CAMK4: variants seen among roughly 807,000 people sequenced by gnomAD.
CAMK4 encodes calcium/calmodulin-dependent protein kinase type IV.
CAMK4 carries 22 observed loss-of-function variants against 44.9 expected under a neutral mutation model. That is an observed-to-expected ratio of 0.49 (90% CI 0.35 to 0.70). The LOEUF is 0.70. Among genes scored for constraint, CAMK4 ranks in the 30% least tolerant of loss-of-function variants. The pLI, the probability that CAMK4 is intolerant of heterozygous loss-of-function variation, is 0.01. For missense variants in CAMK4, 498 were observed against 586.8 expected, an observed-to-expected ratio of 0.85 and a Z score of 1.56; for synonymous variants, 218 against 215.4, an observed-to-expected ratio of 1.01 and a Z score of -0.11.
chr5:111,336,256 T>G (rs1326134978), intron 1 of CAMK4, among the ~76,000 whole-genome samples: 1 of 151,294 alleles, frequency 6.6e-6, no homozygotes, highest in Non-Finnish European at 1.5e-5. Context: ...TCCTTGCTTC[T>G]TTTGAATCTC....
At chr5:111,350,298 A>T (rs1750041481) in intron 2 of CAMK4, among the ~76,000 whole-genome samples, 1 of 152,072 alleles carries the variant, frequency 6.6e-6, no homozygotes, top group Non-Finnish European at 1.5e-5. Context: ...TAAGAGTACC[A>T]GTTCATTCTA....
At chr5:111,233,323 C>T (rs1748560499) in intron 1 of CAMK4, among the ~76,000 whole-genome samples, 1 of 152,314 alleles carries the variant, frequency 6.6e-6, no homozygotes, top group Middle Eastern at 3.4e-3. Flanking sequence ...TAAATGCATA[C>T]TCATCTTTTA....
chr5:111,478,486 A>G lies in CAMK4; in HGVS notation c.807A>G (p.Val269=), dbSNP rs1283845223. The G allele has an allele frequency of 1.3e-6, 2 of 1,548,374 alleles. No individual in the cohort carries two copies. The highest frequency in any genetic ancestry group is 8.9e-7 in the Non-Finnish European group (1 of 1,127,392). The change falls in exon 9 of 11, where the codon GTA becomes GTG. Residue 269 remains valine, a synonymous_variant. Transcript: ENST00000282356. ...YYFISPWWDE[V]SLNAKDLVRK... Reference sequence around the variant, plus strand: ...TTATCTCCCCCTGGTGGGATGAAGTATCTCTAAATGCCAAGGACTTGGTAA... The same window carrying G: ...TTATCTCCCCCTGGTGGGATGAAGTGTCTCTAAATGCCAAGGACTTGGTAA...
chr5:111,327,763 T>C (rs1265509998), intron 1 of CAMK4, among the ~76,000 whole-genome samples: 1 of 150,536 alleles, frequency 6.6e-6, no homozygotes, highest in Admixed American at 6.6e-5. Context: ...TGGCCAGTGA[T>C]GATGAGCATT....
At chr5:111,256,569 T>C (rs952574568) in intron 1 of CAMK4, among the ~76,000 whole-genome samples, 3 of 152,218 alleles carry the variant, frequency 2.0e-5, no homozygotes, top group African/African-American at 7.2e-5. Flanking sequence ...CAAAATATTT[T>C]ATTTGAAATG....
chr5:111,245,826 C>T (rs539852585), intron 1 of CAMK4, among the ~76,000 whole-genome samples: 57 of 152,298 alleles, frequency 3.7e-4, no homozygotes, highest in African/African-American at 1.3e-3. Flanking sequence ...TGGGTGTGTA[C>T]GTCATAATCA....
Position 111,290,212 on chromosome 5 carries a change from A to C in CAMK4, c.162-53812A>C, listed in dbSNP as rs1747179394. Among the ~76,000 whole-genome samples, 1 of 152,186 alleles carries C rather than the reference A, an allele frequency of 6.6e-6. No homozygotes were observed. The highest frequency in any genetic ancestry group is 1.5e-5 in the Non-Finnish European group (1 of 68,032). The stretch of plus-strand genomic sequence containing the variant: ...CCATAAAAATTTTCCTTGAGCTGGA[A>C]GCTAAGATGGTGTTATAACTGGCCA... On this transcript the variant is annotated intron_variant, in intron 1 of 10. Coordinates refer to ENST00000282356, the MANE Select transcript of CAMK4 (RefSeq NM_001744.6). This position sits in a 1 kb window ranked among gnomAD's most constrained non-coding sequence, Gnocchi z 4.5.
intron 9 of CAMK4, among the ~76,000 whole-genome samples, chr5:111,481,531 C>T (rs1047817163): frequency 6.6e-6 from 1 of 152,136 alleles, no homozygotes; most frequent in Non-Finnish European, 1.5e-5. Flanking sequence ...TTTGACTTGC[C>T]GCCTGATTTC....
intron 1 of CAMK4, among the ~76,000 whole-genome samples, chr5:111,341,646 A>G (rs1198173744): frequency 6.6e-6 from 1 of 151,376 alleles, no homozygotes; most frequent in Non-Finnish European, 1.5e-5. Context: ...ATTTAGAAAT[A>G]TGTAACAATT....
At chr5:111,237,469 G>A (rs1419589142) in intron 1 of CAMK4, among the ~76,000 whole-genome samples, 4 of 152,218 alleles carry the variant, frequency 2.6e-5, no homozygotes, top group Admixed American at 2.0e-4. Context: ...TTCTAAGTGT[G>A]TTGGAGGATC....
At chr5:111,276,404 T>G (rs996288863) in intron 1 of CAMK4, among the ~76,000 whole-genome samples, 1 of 152,128 alleles carries the variant, frequency 6.6e-6, no homozygotes, top group African/African-American at 2.4e-5. Context: ...TTATTTAAAA[T>G]TGTTTTTAGC....
At chr5:111,308,655 G>T (rs2112663949) in intron 1 of CAMK4, among the ~76,000 whole-genome samples, 1 of 152,280 alleles carries the variant, frequency 6.6e-6, no homozygotes, top group Middle Eastern at 3.4e-3. Context: ...GAGAGGTTCA[G>T]TTTGACTCAG....
intron 7 of CAMK4, 48 bp downstream of exon 7, chr5:111,449,251 T>C: frequency 1.2e-6 from 1 of 855,400 alleles, no homozygotes; most frequent in Non-Finnish European, 1.8e-6. Flanking sequence ...ATTTGAAATG[T>C]ATTTTTGTTT....
chr5:111,292,931 A>C (rs994357512), intron 1 of CAMK4, among the ~76,000 whole-genome samples: 1 of 152,168 alleles, frequency 6.6e-6, no homozygotes, highest in Non-Finnish European at 1.5e-5. Flanking sequence ...TGTCTCAAAT[A>C]TATATATTTG....
chr5:111,235,412 A>G (rs1230534823), intron 1 of CAMK4, among the ~76,000 whole-genome samples: 2 of 152,124 alleles, frequency 1.3e-5, no homozygotes, highest in Non-Finnish European at 2.9e-5. Context: ...TTCAGTTCTA[A>G]TAGGCCTCTA....
chr5:111,377,861 AC>A (rs1751273293), intron 4 of CAMK4, among the ~76,000 whole-genome samples: 1 of 152,086 alleles, frequency 6.6e-6, no homozygotes, highest in Admixed American at 6.6e-5. Flanking sequence ...CCATTGATGT[AC>A]CCTGAGTGCC....
intron 4 of CAMK4, among the ~76,000 whole-genome samples, chr5:111,392,854 T>C (rs1334600126): frequency 6.6e-6 from 1 of 152,172 alleles, no homozygotes; most frequent in East Asian, 1.9e-4. Context: ...TCAGGTATTA[T>C]ATTATACTGG....
intron 2 of CAMK4, chr5:111,357,946 A>G (rs1057073181): frequency 6.6e-6 from 1 of 152,076 alleles, no homozygotes; most frequent in African/African-American, 2.4e-5. Flanking sequence ...TGAATTCCAA[A>G]TCTGGGCATT....
chr5:111,249,929 C>T (rs712645), intron 1 of CAMK4, among the ~76,000 whole-genome samples: 76,825 of 151,698 alleles, frequency 0.51, 19,758 homozygotes, highest in Non-Finnish European at 0.54. Flanking sequence ...GAGCTGGGCA[C>T]ATTATTTTTA....
Sources: allele counts gnomAD v4.1 joint callset (sites outside exome capture counted in the v4.1 genomes callset), GRCh38; gene constraint gnomAD v4.1.1; non-coding constraint Gnocchi (gnomAD v3.1); transcripts MANE v1.5; gene names NCBI Gene and HGNC (gene_info 2026-07-23, HGNC 2026-07-21).